TMC5: variants seen among roughly 807,000 people sequenced by gnomAD.
TMC5 encodes the protein transmembrane channel like 5, also known as transmembrane channel-like protein 5.
In TMC5, 86 loss-of-function variants were observed where a neutral mutation model predicts 110.5. The ratio of observed to expected loss-of-function variants is 0.78; its 90% CI spans 0.65 to 0.93. The LOEUF is 0.93. Among genes scored for constraint, TMC5 ranks in the 40% least tolerant of loss-of-function variants. TMC5 has a pLI of 0.00. For synonymous variants in TMC5, 455 were observed against 439.5 expected (o/e 1.04, Z -0.44); for missense variants, 1,144 against 1,222.8 (o/e 0.94, Z 0.96).
intron 19 of TMC5, 148 bp downstream of exon 19, chr16:19,492,376 C>A (rs918922654): frequency 1.1e-5 from 5 of 443,848 alleles, no homozygotes; most frequent in Non-Finnish European, 2.0e-5. Context: ...ATTCTTATTT[C>A]ATCTACACTT....
intron 1 of TMC5, among the ~76,000 whole-genome samples, chr16:19,425,072 C>T (rs1014321916): frequency 2.0e-5 from 3 of 152,186 alleles, no homozygotes; most frequent in Admixed American, 1.3e-4. Flanking sequence ...AATACTAGAA[C>T]AAAAGACACT....
rs545713076 is a variant in TMC5, at chr16:19,487,294, G to C, written c.2541G>C (p.Gly847=). The C allele has an allele frequency of 1.2e-6, 2 of 1,614,132 alleles. No individual in the cohort carries two copies. The highest frequency in any genetic ancestry group is 1.1e-5 in the South Asian group (1 of 91,064). Residue 847 remains glycine, a synonymous_variant, in exon 17 of 22, where the codon GGG becomes GGC. Coordinates refer to ENST00000542583, the MANE Select transcript of TMC5 (RefSeq NM_001261841.2). ...TGCTCTTTTTCCCATCCTTCACCGG[G>C]GTCTTGTGCACCCTGGCCATCACCA... is the stretch of plus-strand genomic sequence containing the variant. ...IFLLFFPSFT[G]VLCTLAITIW... is the part of the protein sequence containing the mutation.
At chr16:19,493,966 A>G (rs1392892957) in intron 19 of TMC5, among the ~76,000 whole-genome samples, 1 of 151,916 alleles carries the variant, frequency 6.6e-6, no homozygotes, top group African/African-American at 2.4e-5. Context: ...CTGGGTATTG[A>G]GACGTGGCAT....
At chr16:19,462,038 A>T (rs1230142820) in intron 6 of TMC5, among the ~76,000 whole-genome samples, 1 of 152,170 alleles carries the variant, frequency 6.6e-6, no homozygotes, top group Admixed American at 6.6e-5. Flanking sequence ...GAGGTGGACC[A>T]AAGAAAGCTA....
At chr16:19,412,768 C>A (rs535574910) in intron 1 of TMC5, among the ~76,000 whole-genome samples, 2 of 152,204 alleles carry the variant, frequency 1.3e-5, no homozygotes, top group Non-Finnish European at 2.9e-5. Context: ...ATGCTGTGAC[C>A]GCCCTCTACA....
chr16:19,446,060 TGGAGG>T (rs1244988991), intron 4 of TMC5, among the ~76,000 whole-genome samples: 17 of 21,842 alleles, frequency 7.8e-4, no homozygotes, highest in Non-Finnish European at 1.2e-3. Flanking sequence ...AGGAAGGGAG[TGGAGG>T]GGAGGGGAGG....
intron 1 of TMC5, among the ~76,000 whole-genome samples, chr16:19,428,411 C>T (rs1016786639): frequency 4.6e-5 from 7 of 150,832 alleles, no homozygotes; most frequent in South Asian, 2.1e-4. Flanking sequence ...CAGCCTCAAA[C>T]GATTGCGCTG....
rs1968993967 is a variant in TMC5 at position 19,494,354 on chromosome 16, G to GAGA, written c.2920_2922dup (p.Arg974dup). 1 of 1,613,396 alleles carries GAGA rather than the reference G, an allele frequency of 6.2e-7. No individual in the cohort carries two copies. Among genetic ancestry groups the GAGA allele is most frequent in the Non-Finnish European group, 8.5e-7 (1 of 1,179,654 alleles). ...ACCCCAGCTCACTTGTTCTGGAAAG[G>GAGA]AGAGAGGTGGAGGTGAGTCTGGAGG... On this transcript the variant is annotated inframe_insertion, in exon 20 of 22. Transcript: ENST00000542583.
At chr16:19,428,051 C>T (rs1041085240) in intron 1 of TMC5, among the ~76,000 whole-genome samples, 4 of 152,112 alleles carry the variant, frequency 2.6e-5, no homozygotes, top group African/African-American at 7.2e-5. Context: ...ATCAAGTGGG[C>T]TTAGAGTTAT....
chr16:19,463,473 C>A, intron 7 of TMC5, 106 bp downstream of exon 7: 1 of 1,012,310 alleles, frequency 9.9e-7, no homozygotes, highest in Non-Finnish European at 1.6e-6. Flanking sequence ...AGAGCAATTT[C>A]ATTGCCCAGA....
chr16:19,489,647 T>TTC (rs1334580058), intron 17 of TMC5, among the ~76,000 whole-genome samples: 2 of 93,090 alleles, frequency 2.1e-5, no homozygotes, highest in Non-Finnish European at 2.1e-5. Context: ...CTGGCTAATT[T>TTC]TTTTTTTTTT....
chr16:19,462,987 G>T (rs1968065743), intron 6 of TMC5, among the ~76,000 whole-genome samples: 2 of 151,852 alleles, frequency 1.3e-5, no homozygotes, highest in Middle Eastern at 3.2e-3. Flanking sequence ...ATAGCTCACT[G>T]CAGTCTCAAA....
intron 4 of TMC5, 104 bp downstream of exon 4, chr16:19,444,354 T>A: frequency 9.8e-7 from 1 of 1,024,294 alleles, no homozygotes; most frequent in Non-Finnish European, 1.4e-6. Flanking sequence ...AATTGGTGTA[T>A]CCTTCCAATC....
Position 19,495,011 on chromosome 16 carries a change from C to CTT in TMC5, c.2931+665_2931+666dup, listed in dbSNP as rs56178955. On this transcript the variant is annotated intron_variant, in intron 20 of 21. Coordinates refer to ENST00000542583, the MANE Select transcript of TMC5 (RefSeq NM_001261841.2). ...CACTATGAATACTTCAGTGTCTATT[C>CTT]TTTTTTTTTTTTTTTTTTTTTGAGA... Among the ~76,000 whole-genome samples, 53 of 40,486 alleles carry CTT rather than the reference C, an allele frequency of 1.3e-3. 12 individuals are homozygous for CTT. The highest frequency in any genetic ancestry group is 3.8e-3 in the East Asian group (7 of 1,832). 26.6% of individuals were successfully genotyped at this position (40,486 alleles called of 152,430 possible).
chr16:19,443,932 CATGGATGG>C (rs765935475), intron 3 of TMC5, 141 bp from the exon 4 acceptor site: 37 of 727,426 alleles, frequency 5.1e-5, no homozygotes, highest in East Asian at 2.2e-4. Context: ...TGGATGGATA[CATGGATGG>C]ATGGATGGAT....
intron 1 of TMC5, among the ~76,000 whole-genome samples, chr16:19,412,610 C>T (rs1374902258): frequency 2.6e-5 from 4 of 152,020 alleles, no homozygotes; most frequent in Non-Finnish European, 4.4e-5. Flanking sequence ...TCAGTTGATC[C>T]ACTCGCCTCA....
In TMC5 at chr16:19,481,462, T is replaced by A. The variant is rs200057724; in HGVS notation, c.2360T>A (p.Val787Glu). The A allele has an allele frequency of 6.2e-7, 1 of 1,612,478 alleles. No individual in the cohort carries two copies. The highest frequency in any genetic ancestry group is 1.7e-5 in the Admixed American group (1 of 60,014). ...VLELIYAQTL[V>E]WIGIFFCPLL... is the part of the protein sequence containing the mutation. ...GAACTGATCTATGCACAAACTCTGG[T>A]GTGGTAAGTTTTGTGACTCAGCAAA... is the stretch of plus-strand genomic sequence containing the variant. The change falls in exon 15 of 22, where the codon GTG becomes GAG. Residue 787 changes from valine to glutamate, a missense_variant. Coordinates refer to ENST00000542583, the MANE Select transcript of TMC5 (RefSeq NM_001261841.2).
rs1407444374 is a variant in TMC5, at chr16:19,440,763, A to T, written c.725A>T (p.Asp242Val). 1 of 1,614,122 alleles carries T rather than the reference A, an allele frequency of 6.2e-7. No homozygotes were observed. Among genetic ancestry groups the T allele is most frequent in the Non-Finnish European group, 8.5e-7 (1 of 1,180,038 alleles). ...QNLPSTWREP[D>V]YSDAENGHDY... ...TTGCCAAGCACTTGGAGAGAACCTG[A>T]TTATTCAGATGCTGAGAATGGTCAT... The change falls in exon 3 of 22, where the codon GAT becomes GTT. Residue 242 changes from aspartate (D) to valine (V), a missense_variant. Transcript: ENST00000542583.
intron 5 of TMC5, 84 bp from the exon 6 acceptor site, chr16:19,460,151 C>T (rs778968164): frequency 4.6e-5 from 46 of 994,466 alleles, no homozygotes; most frequent in African/African-American, 4.9e-5. Context: ...CCTTGTGTTA[C>T]GTGCTCTGAC....
Sources: gnomAD v4.1 joint callset for allele counts (sites outside exome capture counted in the v4.1 genomes callset) on GRCh38, gnomAD v4.1.1 for gene constraint, MANE v1.5 for transcripts, NCBI Gene and HGNC (gene_info 2026-07-23, HGNC 2026-07-21) for gene names.